The following KIAA1217 variants were observed in gnomAD, a reference collection of about 807,000 sequenced individuals.
KIAA1217 encodes KIAA1217.
In KIAA1217, 88 loss-of-function variants were observed where a neutral mutation model predicts 163.9. The observed-to-expected ratio is 0.54, with a 90% CI of 0.45 to 0.64. The LOEUF (loss-of-function observed/expected upper bound fraction) is 0.64. Among genes scored for constraint, KIAA1217 ranks in the 30% least tolerant of loss-of-function variants. The pLI is 0.00. For synonymous variants in KIAA1217, 903 were observed against 923.1 expected (o/e 0.98, Z 0.39); for missense variants, 2,372 against 2,475.0 (o/e 0.96, Z 0.88).
At chr10:23,984,576 T>C (rs1845895602) in intron 1 of KIAA1217, among the ~76,000 whole-genome samples, 1 of 152,100 alleles carries the variant, frequency 6.6e-6, no homozygotes, top group South Asian at 2.1e-4. Context: ...TGGAATACTA[T>C]GCAGCCATAA....
intron 2 of KIAA1217, among the ~76,000 whole-genome samples, chr10:24,098,724 C>CGTGTGTGT (rs10524680): frequency 0.036 from 5,045 of 139,280 alleles, 222 homozygotes; most frequent in African/African-American, 0.11. Flanking sequence ...TGAAGGGGAG[C>CGTGTGTGT]GTGTGTGTGT....
chr10:23,725,332 C>T (rs141596130), intron 1 of KIAA1217, among the ~76,000 whole-genome samples: 5 of 152,200 alleles, frequency 3.3e-5, no homozygotes, highest in Non-Finnish European at 5.9e-5. Flanking sequence ...ACTACAGAGA[C>T]AAGGCCACCA....
rs570085615 is a variant in KIAA1217 at position 23,705,042 on chromosome 10, C to A, written c.-321+9808C>A. Among the ~76,000 whole-genome samples the A allele has an allele frequency of 3.3e-5, 5 of 152,198 alleles. No homozygotes were observed. The South Asian group carries it at 1.0e-3, about 32-fold the overall frequency. ...GTTTTGACTTGCATTTCGCTAATGA[C>A]TAATGAGGTTAGGTATCTTTTCATG... On this transcript the variant is annotated intron_variant, in intron 1 of 18. Transcript: ENST00000376462.
At chr10:23,794,971 C>T (rs1300660682) in intron 1 of KIAA1217, among the ~76,000 whole-genome samples, 3 of 152,176 alleles carry the variant, frequency 2.0e-5, no homozygotes. Flanking sequence ...CCCCAAAGTC[C>T]TTTGTAGGAG....
chr10:23,919,629 AAAG>A (rs1227523383), intron 1 of KIAA1217, among the ~76,000 whole-genome samples: 4 of 150,404 alleles, frequency 2.7e-5, no homozygotes, highest in South Asian at 2.1e-4. Flanking sequence ...AAAAAAAAAA[AAAG>A]GCTCTGCAGA....
At chr10:24,114,929 TC>T (rs1375006639) in intron 2 of KIAA1217, among the ~76,000 whole-genome samples, 1 of 152,208 alleles carries the variant, frequency 6.6e-6, no homozygotes, top group Non-Finnish European at 1.5e-5. Flanking sequence ...CCTATCTCTG[TC>T]TTTGATTTTG....
At chr10:23,795,850 A>G (rs1194445822) in intron 1 of KIAA1217, among the ~76,000 whole-genome samples, 1 of 152,190 alleles carries the variant, frequency 6.6e-6, no homozygotes, top group Non-Finnish European at 1.5e-5. Context: ...ACTCAAGAAG[A>G]TATGTTAAGA....
intron 1 of KIAA1217, among the ~76,000 whole-genome samples, chr10:23,903,924 C>G (rs972703905): frequency 2.0e-5 from 3 of 152,072 alleles, no homozygotes; most frequent in South Asian, 2.1e-4. Flanking sequence ...CAAGAGCTGG[C>G]AAACGAATTT....
Position 24,344,983 on chromosome 10 carries a change from G to A in KIAA1217, c.355-35886G>A, listed in dbSNP as rs948906010. Among the ~76,000 whole-genome samples the A allele has an allele frequency of 2.6e-5, 4 of 152,232 alleles. No homozygotes were observed. The East Asian group carries it at 7.7e-4, about 29-fold the overall frequency. On this transcript the variant is annotated intron_variant, in intron 2 of 20. Coordinates refer to ENST00000376454, the MANE Select transcript of KIAA1217 (RefSeq NM_019590.5). ...CCATCATCAACTGAATGGGCAATTT[G>A]GTTGCTTCTGTTCAATTGAACAAAG...
chr10:24,039,225 C>A (rs1848525022), intron 2 of KIAA1217, among the ~76,000 whole-genome samples: 1 of 152,028 alleles, frequency 6.6e-6, no homozygotes, highest in Admixed American at 6.6e-5. Flanking sequence ...TAGCCACACT[C>A]CACTCCACCC....
At chr10:24,388,121 A>G (rs1172017008) in intron 3 of KIAA1217, among the ~76,000 whole-genome samples, 2 of 152,242 alleles carry the variant, frequency 1.3e-5, no homozygotes, top group Non-Finnish European at 2.9e-5. Flanking sequence ...AAAAGAACAA[A>G]GCTGGAGGCA....
intron 2 of KIAA1217, among the ~76,000 whole-genome samples, chr10:24,347,943 T>G (rs1243613275): frequency 1.3e-5 from 2 of 152,254 alleles, no homozygotes; most frequent in African/African-American, 2.4e-5. Context: ...GGTGAATTAA[T>G]GGAATGCGTG....
At chr10:24,066,902 A>G (rs1468415953) in intron 2 of KIAA1217, among the ~76,000 whole-genome samples, 1 of 152,120 alleles carries the variant, frequency 6.6e-6, no homozygotes, top group African/African-American at 2.4e-5. Flanking sequence ...TTTGTCTTCC[A>G]TCACTGATAC....
At chr10:23,760,278 G>T (rs1387886456) in intron 1 of KIAA1217, among the ~76,000 whole-genome samples, 1 of 152,190 alleles carries the variant, frequency 6.6e-6, no homozygotes, top group Non-Finnish European at 1.5e-5. Context: ...GGATGAGAGT[G>T]CTGGCTGGGA....
At chr10:24,283,274 T>A (rs2078164346) in intron 2 of KIAA1217, among the ~76,000 whole-genome samples, 1 of 152,226 alleles carries the variant, frequency 6.6e-6, no homozygotes, top group Admixed American at 6.5e-5. Flanking sequence ...AATTGTACAA[T>A]ATGTAGCCTT....
At chr10:24,541,831 G>A (rs749716636) in intron 17 of KIAA1217, among the ~76,000 whole-genome samples, 7 of 152,182 alleles carry the variant, frequency 4.6e-5, no homozygotes, top group Non-Finnish European at 5.9e-5. Context: ...AAGCTGAGTC[G>A]TGACGTCACC....
intron 2 of KIAA1217, among the ~76,000 whole-genome samples, chr10:24,091,962 G>T (rs2061954016): frequency 1.3e-5 from 2 of 151,658 alleles, no homozygotes; most frequent in Non-Finnish European, 2.9e-5. Flanking sequence ...GCTTGGAAAG[G>T]CTCACTGCAT....
At chr10:24,487,979 G>A (rs1422635358) in intron 6 of KIAA1217, among the ~76,000 whole-genome samples, 1 of 152,222 alleles carries the variant, frequency 6.6e-6, no homozygotes, top group Middle Eastern at 3.2e-3. Flanking sequence ...AAAGTATTCA[G>A]GGTCCAACCT....
intron 1 of KIAA1217, among the ~76,000 whole-genome samples, chr10:23,985,020 C>T (rs1283418083): frequency 6.6e-6 from 1 of 152,022 alleles, no homozygotes; most frequent in Non-Finnish European, 1.5e-5. Flanking sequence ...GGACATGGCT[C>T]TCTATAGACT....
Sources: gnomAD v4.1 joint callset for allele counts (sites outside exome capture counted in the v4.1 genomes callset) on GRCh38, gnomAD v4.1.1 for gene constraint, MANE v1.5 for transcripts, NCBI Gene and HGNC (gene_info 2026-07-23, HGNC 2026-07-21) for gene names.